Variants in ALG9 observed in about 807,000 individuals in gnomAD.
ALG9 encodes the protein ALG9 alpha-1,2-mannosyltransferase.
In ALG9, 55 loss-of-function variants were observed where a neutral mutation model predicts 81.8. That is an observed-to-expected ratio of 0.67 (90% CI 0.54 to 0.84). The LOEUF is 0.84. ALG9 is among the 40% of genes least tolerant of loss of function. The pLI is 0.00. For missense variants in ALG9, 629 were observed against 745.0 expected (o/e 0.84, Z 1.81); for synonymous variants, 278 against 274.3 (o/e 1.01, Z -0.13).
chr11:111,812,912 T>C (rs1555092881), intron 13 of ALG9, among the ~76,000 whole-genome samples: 1 of 15,496 alleles, frequency 6.5e-5, no homozygotes, highest in Non-Finnish European at 9.2e-5. Context: ...CAAGACTCTG[T>C]CTCAAAAAAA....
intron 3 of ALG9, among the ~76,000 whole-genome samples, chr11:111,866,891 G>C (rs1284508724): frequency 2.0e-5 from 3 of 151,906 alleles, no homozygotes; most frequent in Admixed American, 2.0e-4. Context: ...TCAGGAGTTT[G>C]AGACCAGACT....
the ALG9 span, among the ~76,000 whole-genome samples, chr11:111,772,207 C>G: frequency 6.6e-6 from 1 of 152,180 alleles, no homozygotes; most frequent in Non-Finnish European, 1.5e-5. Flanking sequence ...GGGCAGATCT[C>G]TGGAGCTCAG....
intron 13 of ALG9, among the ~76,000 whole-genome samples, chr11:111,816,624 A>G (rs1592014214): frequency 6.6e-6 from 1 of 151,498 alleles, no homozygotes; most frequent in African/African-American, 2.4e-5. Context: ...TGATGTGATC[A>G]TAACTCACTG....
At position 111,782,282 on chromosome 11, in the gene ALG9, G is replaced by A. The variant is rs1946000741; in HGVS notation, c.*4115C>T. Reference sequence around the variant, plus strand: ...ACCGACACGTGAAATAAAGTACAAGGATCAGGAAGACAAGTGAATTGGACA... The same window carrying A: ...ACCGACACGTGAAATAAAGTACAAGAATCAGGAAGACAAGTGAATTGGACA... On this transcript the variant is annotated 3_prime_UTR_variant, in exon 15 of 15. Transcript: ENST00000616540. 1 of 152,206 alleles carries A rather than the reference G, an allele frequency of 6.6e-6. No homozygotes were observed. Among genetic ancestry groups the A allele is most frequent in the East Asian group, 1.9e-4 (1 of 5,200 alleles). The allele number at this position is 152,206 out of a possible 1,614,324, so 9.4% of individuals were successfully genotyped here. A position where few individuals can be genotyped will look rare whatever the true frequency, so the allele number is the denominator to read the frequency against.
rs1555140534 is a variant in ALG9, at chr11:111,853,399, A to C, written c.876T>G (p.Pro292=). The C allele has an allele frequency of 6.2e-7, 1 of 1,613,732 alleles. No individual in the cohort carries two copies. The highest frequency in any genetic ancestry group is 1.7e-5 in the Admixed American group (1 of 60,016). Residue 292 remains proline, a synonymous_variant, in exon 8 of 15, where the codon CCT becomes CCG. Coordinates refer to ENST00000616540, the MANE Select transcript of ALG9 (RefSeq NM_024740.2). ...LNIVLYNVFT[P]HGPDLYGTEP... is the part of the protein sequence containing the mutation. ...CCTTACCATAAAGATCAGGTCCATG[A>C]GGAGTAAAGACATTATACAAAACAA...
Position 111,841,677 on chromosome 11 carries a change from C to T in ALG9, c.1019-868G>A, listed in dbSNP as rs112881712. On this transcript the variant is annotated intron_variant, in intron 9 of 14. Transcript: ENST00000616540. ...TGGTGTCCACCATGTTAACAGTAAG[C>T]CAGTTTACAAGATCAGGATTATCGT... 6.4e-3 allele frequency among the ~76,000 whole-genome samples: 979 copies of T among 152,228 alleles called. 10 individuals carry two copies. The highest frequency in any genetic ancestry group is 0.022 in the African/African-American group (913 of 41,538).
chr11:111,788,627 C>A, intron 14 of ALG9: 1 of 370,788 alleles, frequency 2.7e-6, no homozygotes, highest in Non-Finnish European at 5.3e-6. Flanking sequence ...CACCCGCAGT[C>A]CCAGCTATTC....
chr11:111,785,683 T>C lies in ALG9; in HGVS notation c.*714A>G, dbSNP rs1555062389. On this transcript the variant is annotated 3_prime_UTR_variant, in exon 15 of 15. Transcript: ENST00000616540. ...AATTCAAAAAATAGCATGCTAAAAC[T>C]GAACAAAAAAGCAATACAACCTTAT... 5.0e-6 allele frequency: 1 copy of C among 200,536 alleles called. No individual in the cohort carries two copies. Among genetic ancestry groups the C allele is most frequent in the Non-Finnish European group, 1.0e-5 (1 of 97,090 alleles). The allele number at this position is 200,536 out of a possible 1,614,324, so 12.4% of individuals were successfully genotyped here.
the ALG9 span, among the ~76,000 whole-genome samples, chr11:111,774,147 C>T: frequency 6.7e-6 from 1 of 150,000 alleles, no homozygotes; most frequent in African/African-American, 2.5e-5. Flanking sequence ...GAGGCCGAGG[C>T]AGGCAGATCA....
intron 14 of ALG9, among the ~76,000 whole-genome samples, chr11:111,802,799 C>A (rs1443958443): frequency 6.6e-6 from 1 of 152,204 alleles, no homozygotes; most frequent in Non-Finnish European, 1.5e-5. Flanking sequence ...GATTCTGGAT[C>A]CTGTCTTCCA....
intron 8 of ALG9, chr11:111,849,871 C>G (rs1402839056): frequency 6.6e-6 from 1 of 152,102 alleles, no homozygotes; most frequent in African/African-American, 2.4e-5. Flanking sequence ...TTTTAATTTT[C>G]AGATAAGAAA....
intron 10 of ALG9, among the ~76,000 whole-genome samples, chr11:111,840,202 G>GT (rs1207259650): frequency 6.6e-6 from 1 of 152,318 alleles, no homozygotes; most frequent in African/African-American, 2.4e-5. Context: ...TACTGAAGCC[G>GT]TAAGTACAGA....
rs1955522620 is a variant in ALG9, at chr11:111,837,570, G to C, written c.1370C>G (p.Ala457Gly). 1 of 1,614,022 alleles carries C rather than the reference G, an allele frequency of 6.2e-7. No homozygotes were observed. The highest frequency in any genetic ancestry group is 1.3e-5 in the African/African-American group (1 of 74,906). Reference sequence around the variant, plus strand: ...GACAGTGTGGATGGTTGGGTCTGTAGCAATTCGGTAAAATTCTGGATACAA... The same window carrying C: ...GACAGTGTGGATGGTTGGGTCTGTACCAATTCGGTAAAATTCTGGATACAA... ...LDLYPEFYRI[A>G]TDPTIHTVPE... The change falls in exon 12 of 15, where the codon GCT becomes GGT. Residue 457 changes from alanine to glycine, a missense_variant. Ala to Gly is a moderately conservative substitution (Grantham distance 60). This residue lies in a region of ALG9 where 264 missense variants were observed against 302.2 expected (regional missense o/e 0.87). Coordinates refer to ENST00000616540, the MANE Select transcript of ALG9 (RefSeq NM_024740.2).
Position 111,782,529 on chromosome 11 carries a change from A to G in ALG9, c.*3868T>C, listed in dbSNP as rs1437957690. The G allele has an allele frequency of 2.6e-5, 4 of 152,688 alleles. No individual in the cohort carries two copies. The highest frequency in any genetic ancestry group is 1.3e-4 in the Admixed American group (2 of 15,276). 9.5% of individuals were successfully genotyped at this position (152,688 alleles called of 1,614,324 possible). A position where few individuals can be genotyped will look rare whatever the true frequency, so the allele number is the denominator to read the frequency against. On this transcript the variant is annotated 3_prime_UTR_variant, in exon 15 of 15. Transcript: ENST00000616540. ...TACCCAAGGCATTTAATGTAGGAGCATAAGAATGCACTGATTAACACGTGA... is the reference window on the plus strand; with the variant it reads ...TACCCAAGGCATTTAATGTAGGAGCGTAAGAATGCACTGATTAACACGTGA...
chr11:111,798,380 C>T (rs1555077411), intron 14 of ALG9, among the ~76,000 whole-genome samples: 2 of 152,118 alleles, frequency 1.3e-5, no homozygotes, highest in Non-Finnish European at 2.9e-5. Flanking sequence ...CCCTGTTGCT[C>T]ATGAAGCCAA....
At position 111,783,737 on chromosome 11, in the gene ALG9, C is replaced by T. The variant is rs1423233334; in HGVS notation, c.*2660G>A. ...CCTTCACAACAAAAAACATTCATTT[C>T]TATATTCCTTACCTATAACATTTGG... On this transcript the variant is annotated 3_prime_UTR_variant, in exon 15 of 15. Transcript: ENST00000616540. 2.0e-5 allele frequency: 3 copies of T among 152,110 alleles called. No individual in the cohort carries two copies. The highest frequency in any genetic ancestry group is 4.8e-5 in the African/African-American group (2 of 41,430). The allele number at this position is 152,110 out of a possible 1,614,324, so 9.4% of individuals were successfully genotyped here. A position where few individuals can be genotyped will look rare whatever the true frequency, so the allele number is the denominator to read the frequency against.
At chr11:111,858,069 TG>T (rs1201676357) in intron 5 of ALG9, 1 of 347,558 alleles carries the variant, frequency 2.9e-6, no homozygotes, top group African/African-American at 2.1e-5. Context: ...ACCGAGTAGC[TG>T]GGATTACAGG....
intron 13 of ALG9, among the ~76,000 whole-genome samples, chr11:111,812,361 A>G (rs556046118): frequency 2.2e-4 from 33 of 152,296 alleles, no homozygotes; most frequent in African/African-American, 7.2e-4. Context: ...TGAGGCCAAG[A>G]ATTTGAGATA....
the ALG9 span, among the ~76,000 whole-genome samples, chr11:111,772,974 C>T: frequency 2.0e-5 from 3 of 152,078 alleles, no homozygotes; most frequent in South Asian, 4.1e-4. Flanking sequence ...TGCGGTGGCT[C>T]ACGCCTGTAA....
Sources: gnomAD v4.1 joint callset for allele counts (sites outside exome capture counted in the v4.1 genomes callset) on GRCh38, gnomAD v4.1.1 for gene constraint, gnomAD v4.1.1 regional missense constraint, MANE v1.5 for transcripts, NCBI Gene and HGNC (gene_info 2026-07-23, HGNC 2026-07-21) for gene names.